SORCS1: variants seen among roughly 807,000 people sequenced by gnomAD.
SORCS1 encodes VPS10 domain-containing receptor SorCS1.
A neutral mutation model predicts 146.1 loss-of-function variants in SORCS1; 60 were observed. The ratio of observed to expected loss-of-function variants is 0.41; its 90% CI spans 0.33 to 0.51. The LOEUF is 0.51. SORCS1 is among the 20% of genes least tolerant of loss of function. The pLI, the probability that SORCS1 is intolerant of heterozygous loss-of-function variation, is 0.21. For synonymous variants in SORCS1, 637 were observed against 584.0 expected, an observed-to-expected ratio of 1.09 and a Z score of -1.31; for missense variants, 1,352 against 1,487.6, an observed-to-expected ratio of 0.91 and a Z score of 1.50.
chr10:106,986,298 T>TA (rs1034414372), intron 1 of SORCS1, among the ~76,000 whole-genome samples: 2 of 151,958 alleles, frequency 1.3e-5, no homozygotes, highest in Non-Finnish European at 2.9e-5. Context: ...AACACACGTG[T>TA]AAAAAAATGA....
intron 1 of SORCS1, among the ~76,000 whole-genome samples, chr10:106,981,068 C>T (rs993203788): frequency 7.3e-5 from 11 of 151,556 alleles, no homozygotes; most frequent in Non-Finnish European, 1.6e-4. Context: ...AAAAAGATCA[C>T]AATTTAGATA....
intron 3 of SORCS1, among the ~76,000 whole-genome samples, chr10:106,801,121 T>C (rs1946846237): frequency 6.6e-6 from 1 of 152,194 alleles, no homozygotes; most frequent in Admixed American, 6.5e-5. Context: ...AAACAAAATA[T>C]TTTCTTAATT....
intron 1 of SORCS1, among the ~76,000 whole-genome samples, chr10:107,123,411 C>T (rs1966516658): frequency 6.6e-6 from 1 of 152,152 alleles, no homozygotes; most frequent in African/African-American, 2.4e-5. Flanking sequence ...AGTTCAATTA[C>T]AGAACCTTGC....
chr10:107,100,062 T>C (rs1964811295), intron 1 of SORCS1, among the ~76,000 whole-genome samples: 1 of 152,230 alleles, frequency 6.6e-6, no homozygotes, highest in African/African-American at 2.4e-5. Flanking sequence ...CTGGGTCACA[T>C]AAACCATCAT....
intron 17 of SORCS1, among the ~76,000 whole-genome samples, chr10:106,658,378 G>T (rs1850465271): frequency 6.6e-6 from 1 of 151,772 alleles, no homozygotes; most frequent in Non-Finnish European, 1.5e-5. Context: ...CTTTTGTCAC[G>T]GTAGTTATCA....
Position 106,618,194 on chromosome 10 carries a change from C to T in SORCS1, c.2875G>A (p.Ala959Thr). Residue 959 changes from alanine to threonine, a missense_variant, in exon 21 of 26, where the codon GCT (alanine) becomes ACT (threonine). Around this residue, in one of 3 missense-constraint regions of SORCS1, gnomAD observed 648 missense variants for 793.8 expected, o/e 0.82. Transcript: ENST00000263054. ...GMNTITVQVS[A>T]GNAILQDTKT... ...GTGTCTTGTAGGATGGCATTCCCAG[C>T]TGAGACCTGCACTGTGATGGTATTC... 6 of 1,614,136 alleles carry T rather than the reference C, an allele frequency of 3.7e-6. No homozygotes were observed. Among genetic ancestry groups the T allele is most frequent in the Non-Finnish European group, 5.1e-6 (6 of 1,179,984 alleles).
intron 2 of SORCS1, among the ~76,000 whole-genome samples, chr10:106,950,662 T>G (rs1954633594): frequency 6.6e-6 from 1 of 152,006 alleles, no homozygotes; most frequent in Non-Finnish European, 1.5e-5. Flanking sequence ...TATACACATA[T>G]ATTTCTATAA....
In SORCS1 at chr10:106,606,272, T is replaced by TACACAC. The variant is rs1278722607; in HGVS notation, c.3165+893_3165+894insGTGTGT. Among the ~76,000 whole-genome samples the TACACAC allele has an allele frequency of 1.2e-3, 129 of 107,840 alleles. 1 individual carries two copies. Among genetic ancestry groups the TACACAC allele is most frequent in the East Asian group, 3.2e-3 (13 of 4,046 alleles). The allele number at this position is 107,840 out of a possible 152,430, so 70.7% of individuals were successfully genotyped here. ...AGAATCACACAAATACACACACAGA[T>TACACAC]ATACACACACACACACACACACACA... is the stretch of plus-strand genomic sequence containing the variant. On this transcript the variant is annotated intron_variant, in intron 23 of 25. Transcript: ENST00000263054.
chr10:107,095,884 G>A (rs1964516053), intron 1 of SORCS1, among the ~76,000 whole-genome samples: 1 of 152,026 alleles, frequency 6.6e-6, no homozygotes, highest in South Asian at 2.1e-4. Context: ...TATATGCCCT[G>A]CTTACAATAA....
At chr10:106,823,935 G>C (rs1431050866) in intron 3 of SORCS1, among the ~76,000 whole-genome samples, 2 of 152,300 alleles carry the variant, frequency 1.3e-5, no homozygotes, top group Admixed American at 1.3e-4. Context: ...TTTAGATTCA[G>C]ATTCAATGAT....
intron 13 of SORCS1, 120 bp downstream of exon 13, chr10:106,677,193 C>T (rs780743163): frequency 1.7e-5 from 16 of 920,518 alleles, no homozygotes; most frequent in South Asian, 9.6e-5. Context: ...AACCAAACCT[C>T]GGCATTTTGG....
chr10:106,981,709 T>C (rs1956252196), intron 1 of SORCS1, among the ~76,000 whole-genome samples: 1 of 152,150 alleles, frequency 6.6e-6, no homozygotes, highest in Non-Finnish European at 1.5e-5. Flanking sequence ...TACTAAAAAA[T>C]GGCCGTGCTC....
At chr10:106,883,257 G>A (rs1481039402) in intron 2 of SORCS1, among the ~76,000 whole-genome samples, 2 of 152,116 alleles carry the variant, frequency 1.3e-5, no homozygotes, top group East Asian at 3.9e-4. Flanking sequence ...GACGGGTGAG[G>A]TTTATAAGTT....
chr10:106,864,830 G>C (rs927385704), intron 2 of SORCS1, among the ~76,000 whole-genome samples: 3 of 152,194 alleles, frequency 2.0e-5, no homozygotes, highest in Non-Finnish European at 4.4e-5. Flanking sequence ...GGCTGAAGTG[G>C]ATCTCCAGAA....
At chr10:106,950,526 C>A (rs1182378922) in intron 2 of SORCS1, among the ~76,000 whole-genome samples, 3 of 152,094 alleles carry the variant, frequency 2.0e-5, no homozygotes, top group Non-Finnish European at 4.4e-5. Flanking sequence ...AGGAGTAAGG[C>A]AATTGCTGCT....
intron 3 of SORCS1, among the ~76,000 whole-genome samples, chr10:106,800,896 G>A (rs1300819846): frequency 1.3e-5 from 2 of 152,066 alleles, no homozygotes; most frequent in African/African-American, 4.8e-5. Context: ...TCAGTGGGCT[G>A]GATTAGGTGA....
intron 1 of SORCS1, among the ~76,000 whole-genome samples, chr10:107,008,907 G>GA (rs1468715966): frequency 2.6e-5 from 4 of 152,238 alleles, no homozygotes; most frequent in Non-Finnish European, 5.9e-5. Context: ...TCAGGCAGGG[G>GA]AATCACTTGA....
intron 1 of SORCS1, among the ~76,000 whole-genome samples, chr10:107,137,818 T>C (rs952410236): frequency 6.7e-5 from 10 of 148,532 alleles, no homozygotes; most frequent in South Asian, 4.2e-4. Flanking sequence ...GCCAAGATCA[T>C]GCCATTGCAC....
intron 1 of SORCS1, among the ~76,000 whole-genome samples, chr10:107,031,658 T>C: frequency 6.6e-6 from 1 of 151,822 alleles, no homozygotes. Flanking sequence ...GGCTGGAGTG[T>C]AGTGACACAA....
Sources: gnomAD v4.1 joint callset for allele counts (sites outside exome capture counted in the v4.1 genomes callset) on GRCh38, gnomAD v4.1.1 for gene constraint, gnomAD v4.1.1 regional missense constraint, MANE v1.5 for transcripts, NCBI Gene and HGNC (gene_info 2026-07-23, HGNC 2026-07-21) for gene names.